RC3H1: variants seen among roughly 807,000 people sequenced by gnomAD.
RC3H1 encodes the protein roquin-1.
RC3H1 carries 50 observed loss-of-function variants against 138.2 expected under a neutral mutation model. The ratio of observed to expected loss-of-function variants is 0.36; its 90% CI spans 0.29 to 0.46. The LOEUF is 0.46. RC3H1 is among the 20% of genes least tolerant of loss of function. The pLI, the probability that RC3H1 is intolerant of heterozygous loss-of-function variation, is 1.00. For missense variants in RC3H1, 1,031 were observed against 1,388.1 expected (o/e 0.74, Z 4.09); for synonymous variants, 462 against 489.1 (o/e 0.94, Z 0.73).
intron 19 of RC3H1, among the ~76,000 whole-genome samples, chr1:173,939,845 T>TA (rs1658768068): frequency 6.7e-6 from 1 of 149,486 alleles, no homozygotes; most frequent in Admixed American, 6.6e-5. Context: ...AAAAAAAAAA[T>TA]AAAAAAGAAT....
At chr1:174,011,324 T>C (rs1469542049) in intron 1 of RC3H1, among the ~76,000 whole-genome samples, 1 of 152,050 alleles carries the variant, frequency 6.6e-6, no homozygotes, top group Admixed American at 6.6e-5. Flanking sequence ...AAGTTTTTGA[T>C]AAACTTAATG....
chr1:173,991,775 G>A (rs1661295056), intron 2 of RC3H1, among the ~76,000 whole-genome samples: 1 of 152,314 alleles, frequency 6.6e-6, no homozygotes, highest in East Asian at 1.9e-4. Context: ...TTGATTTGCA[G>A]ATGTTAAGTC....
chr1:173,941,598 G>GAGGA, intron 18 of RC3H1: 1 of 423,262 alleles, frequency 2.4e-6, no homozygotes. Context: ...GACAGACAAT[G>GAGGA]CCTCAAGCTA....
At chr1:174,010,993 CTATT>C (rs1482857919) in intron 1 of RC3H1, among the ~76,000 whole-genome samples, 1 of 152,168 alleles carries the variant, frequency 6.6e-6, no homozygotes, top group African/African-American at 2.4e-5. Flanking sequence ...TACCACTTCA[CTATT>C]TATGGATGCC....
intron 14 of RC3H1, 49 bp downstream of exon 14, chr1:173,951,936 AT>A: frequency 6.6e-7 from 1 of 1,514,784 alleles, no homozygotes; most frequent in Non-Finnish European, 8.9e-7. Context: ...GTAAAAATTT[AT>A]TTGGTTTATC....
At chr1:173,977,393 A>T (rs1660633554) in intron 7 of RC3H1, among the ~76,000 whole-genome samples, 2 of 152,230 alleles carry the variant, frequency 1.3e-5, no homozygotes, top group South Asian at 4.1e-4. Flanking sequence ...CCATTGTATG[A>T]AACAGTATGT....
chr1:173,952,189 A>T, intron 13 of RC3H1, 51 bp from the exon 14 acceptor site: 1 of 1,409,548 alleles, frequency 7.1e-7, no homozygotes, highest in East Asian at 2.4e-5. Context: ...AGAAAGAAAC[A>T]AAACAGGAAA....
intron 7 of RC3H1, among the ~76,000 whole-genome samples, chr1:173,974,045 G>T (rs901974753): frequency 2.0e-5 from 3 of 152,074 alleles, no homozygotes; most frequent in Non-Finnish European, 2.9e-5. Context: ...TAAAATTTTA[G>T]ACAGAGGCAA....
At chr1:173,955,740 A>G (rs944758533) in intron 13 of RC3H1, among the ~76,000 whole-genome samples, 2 of 152,178 alleles carry the variant, frequency 1.3e-5, no homozygotes, top group Non-Finnish European at 2.9e-5. Flanking sequence ...TCATAAGGAG[A>G]TATTTATTTA....
In RC3H1 at chr1:173,952,150, G is replaced by T; in HGVS notation, c.2371-12C>A. The T allele has an allele frequency of 8.6e-5, 99 of 1,156,402 alleles. No individual in the cohort carries two copies. The highest frequency in any genetic ancestry group is 1.3e-4 in the African/African-American group (5 of 39,502). The allele number at this position is 1,156,402 out of a possible 1,614,324, so 71.6% of individuals were successfully genotyped here. ...TCTTCATCCAAAAACTACAGATGGA[G>T]AAAGAAAAAAAACAAAAAAAAAAAA... On this transcript the variant is annotated splice_polypyrimidine_tract_variant and intron_variant, in intron 13 of 19. Coordinates refer to ENST00000367696, the MANE Select transcript of RC3H1 (RefSeq NM_172071.4).
In RC3H1 at chr1:173,936,746, TATATATATATATA is replaced by T. The variant is rs1301627176; in HGVS notation, c.*1962_*1974del. The T allele has an allele frequency of 7.2e-4, 35 of 48,798 alleles. No homozygotes were observed. Among genetic ancestry groups the T allele is most frequent in the South Asian group, 3.4e-3 (5 of 1,478 alleles). 3.0% of individuals were successfully genotyped at this position (48,798 alleles called of 1,614,324 possible). A position where few individuals can be genotyped will look rare whatever the true frequency, so the allele number is the denominator to read the frequency against. On this transcript the variant is annotated 3_prime_UTR_variant, in exon 20 of 20. Transcript: ENST00000367696. The stretch of plus-strand genomic sequence containing the variant: ...AAAAGCATACATATATATATATATA[TATATATATATATA>T]TATTTTTTTTTTTTTTTTTAAAAAA...
At chr1:173,955,118 C>T (rs546609475) in intron 13 of RC3H1, among the ~76,000 whole-genome samples, 1 of 145,370 alleles carries the variant, frequency 6.9e-6, no homozygotes, top group Non-Finnish European at 1.5e-5. Context: ...CCCAGCTACT[C>T]GGGAGGCTGA....
chr1:174,016,758 T>C (rs1271827284), intron 1 of RC3H1, among the ~76,000 whole-genome samples: 1 of 152,114 alleles, frequency 6.6e-6, no homozygotes, highest in South Asian at 2.1e-4. Context: ...AAGTACCATT[T>C]TGAATTTAAG....
rs1326719383 is a variant in RC3H1 at position 173,987,515 on chromosome 1, T to A, written c.232-2896A>T. ...TGTGTTTTGAATACTTCTCTATACT[T>A]TCCAGTGCTACAAGCTACTCCAGAC... On this transcript the variant is annotated intron_variant, in intron 2 of 19. Transcript: ENST00000367696. 2.0e-5 allele frequency among the ~76,000 whole-genome samples: 3 copies of A among 152,168 alleles called. No homozygotes were observed. The East Asian group carries it at 5.8e-4, about 29-fold the overall frequency.
chr1:174,010,082 A>G (rs951369646), intron 1 of RC3H1, among the ~76,000 whole-genome samples: 1 of 152,108 alleles, frequency 6.6e-6, no homozygotes, highest in African/African-American at 2.4e-5. Flanking sequence ...CTTTAGTGAT[A>G]CCACTAGACA....
intron 8 of RC3H1, 135 bp downstream of exon 8, chr1:173,972,374 T>A: frequency 1.6e-6 from 1 of 630,884 alleles, no homozygotes; most frequent in Non-Finnish European, 2.9e-6. Context: ...AATTTACAGT[T>A]TCTATACTCA....
intron 14 of RC3H1, among the ~76,000 whole-genome samples, chr1:173,947,909 A>G (rs1659204048): frequency 6.6e-6 from 1 of 151,598 alleles, no homozygotes; most frequent in African/African-American, 2.4e-5. Flanking sequence ...CACCCAGCTA[A>G]TTTTTTTTGA....
chr1:173,941,782 A>AAAAT (rs1658872293), intron 18 of RC3H1, among the ~76,000 whole-genome samples: 1 of 151,802 alleles, frequency 6.6e-6, no homozygotes. Flanking sequence ...AAATACAAAA[A>AAAAT]TCAGCTGGGC....
chr1:174,006,892 A>C (rs1180407718), intron 1 of RC3H1, among the ~76,000 whole-genome samples: 2 of 152,188 alleles, frequency 1.3e-5, no homozygotes, highest in Non-Finnish European at 2.9e-5. Context: ...TTTAAGATGA[A>C]GTATAACATA....
Sources: gnomAD v4.1 joint callset for allele counts (sites outside exome capture counted in the v4.1 genomes callset) on GRCh38, gnomAD v4.1.1 for gene constraint, MANE v1.5 for transcripts, NCBI Gene and HGNC (gene_info 2026-07-23, HGNC 2026-07-21) for gene names.